Variants in LYZL1 observed in about 807,000 individuals in gnomAD.
LYZL1 encodes the protein lysozyme-like protein 1.
A neutral mutation model predicts 17.9 loss-of-function variants in LYZL1; 16 were observed. That is an observed-to-expected ratio of 0.90 (90% CI 0.61 to 1.36). LYZL1 has a LOEUF of 1.36. Among genes scored for constraint, LYZL1 ranks in the 40% most tolerant of loss-of-function variants. The probability of loss-of-function intolerance (pLI) is 0.00; values close to 1 mark genes in which losing one functional copy is unlikely to be tolerated. For missense variants in LYZL1, 149 were observed against 188.4 expected (o/e 0.79, Z 1.22); for synonymous variants, 58 against 71.8 (o/e 0.81, Z 0.97).
In LYZL1 at chr10:29,292,611, A is replaced by G. The variant is rs1250257546; in HGVS notation, c.232A>G (p.Asn78Asp). The G allele has an allele frequency of 1.9e-6, 3 of 1,614,154 alleles. No homozygotes were observed. The highest frequency in any genetic ancestry group is 2.5e-6 in the Non-Finnish European group (3 of 1,180,054). ...GSIDYGIFQI[N>D]SFAWCRRGKL... Reference sequence around the variant, plus strand: ...CATCGACTATGGCATCTTCCAGATCAACAGCTTCGCGTGGTGCAGACGCGG... The same window carrying G: ...CATCGACTATGGCATCTTCCAGATCGACAGCTTCGCGTGGTGCAGACGCGG... The change falls in exon 3 of 5, where the codon AAC becomes GAC. Residue 78 changes from asparagine (N) to aspartate (D), a missense_variant. Asn to Asp is a conservative substitution (Grantham distance 23). Around this residue, in one of 2 missense-constraint regions of LYZL1, gnomAD observed 130 missense variants for 132.5 expected, o/e 0.98. Transcript: ENST00000649382.
At chr10:29,311,323 C>A, downstream of LYZL1, 1 of 1,127,080 alleles carries the variant, frequency 8.9e-7, no homozygotes, top group Non-Finnish European at 1.1e-6. Flanking sequence ...AACAAAGCTC[C>A]CTTCTTCATT....
Position 29,310,111 on chromosome 10 carries a change from C to T in LYZL1, c.300C>T (p.Ala100=), listed in dbSNP as rs1399907992. The T allele has an allele frequency of 7.5e-6, 12 of 1,609,560 alleles. No individual in the cohort carries two copies. The highest frequency in any genetic ancestry group is 1.0e-5 in the Non-Finnish European group (12 of 1,176,250). The change falls in exon 4 of 5, where the codon GCC becomes GCT. Residue 100 remains alanine (A), a splice_region_variant and synonymous_variant. Coordinates refer to ENST00000649382, the MANE Select transcript of LYZL1 (RefSeq NM_032517.6). ...ENNHCHVACS[A]LITDDLTDAI... is the part of the protein sequence containing the mutation. ...CCTGATGTCTTCTCTCTTTTACAGC[C>T]TTGATCACTGATGACCTCACAGATG... is the stretch of plus-strand genomic sequence containing the variant.
chr10:29,291,074 G>A (rs78842648), intron 1 of LYZL1, among the ~76,000 whole-genome samples: 2,917 of 152,184 alleles, frequency 0.019, 84 homozygotes, highest in African/African-American at 0.063. Flanking sequence ...TAGGGGTCAC[G>A]GGCACCGACG....
intron 3 of LYZL1, chr10:29,317,189 C>G (rs1187660372): frequency 2.6e-5 from 4 of 152,174 alleles, no homozygotes; most frequent in African/African-American, 9.7e-5. Flanking sequence ...TTCACTTCCT[C>G]TCTCCCCTAT....
rs190669635 is a variant in LYZL1, at chr10:29,298,578, C to T, written c.298+5901C>T. 1.5e-3 allele frequency among the ~76,000 whole-genome samples: 226 copies of T among 152,156 alleles called. 1 individual carries two copies. The highest frequency in any genetic ancestry group is 5.0e-3 in the African/African-American group (206 of 41,500). On this transcript the variant is annotated intron_variant, in intron 3 of 4. Coordinates refer to ENST00000649382, the MANE Select transcript of LYZL1 (RefSeq NM_032517.6). ...CATATTCAGCTCACCTCCCATGCAC[C>T]CTCTCTCACAAAACCGTAGGAAAAC...
chr10:29,291,221 G>T (rs1774947), intron 1 of LYZL1, among the ~76,000 whole-genome samples: 4 of 152,018 alleles, frequency 2.6e-5, no homozygotes, highest in Admixed American at 6.5e-5. Context: ...TATGTCTTCT[G>T]TACTGGATTC....
rs73596012 is a variant in LYZL1, at chr10:29,299,829, A to G, written c.298+7152A>G. Among the ~76,000 whole-genome samples the G allele has an allele frequency of 6.1e-3, 923 of 152,308 alleles. 5 individuals carry two copies. Among genetic ancestry groups the G allele is most frequent in the African/African-American group, 0.02 (849 of 41,560 alleles). ...ATCTGGGTCTTTATATTTAAAGTGA[A>G]TTTCTTATAGATAGCATATAGTTAT... On this transcript the variant is annotated intron_variant, in intron 3 of 4. Transcript: ENST00000649382.
downstream of LYZL1, among the ~76,000 whole-genome samples, chr10:29,315,148 C>T (rs1835714566): frequency 1.3e-5 from 2 of 152,226 alleles, no homozygotes; most frequent in African/African-American, 2.4e-5. Flanking sequence ...CTCTGGATGT[C>T]TAAAACTGGA....
chr10:29,289,573 C>A (rs1220001690), intron 1 of LYZL1, among the ~76,000 whole-genome samples: 1 of 151,912 alleles, frequency 6.6e-6, no homozygotes, highest in Non-Finnish European at 1.5e-5. Context: ...CACACACCAC[C>A]ATGCCTGGCT....
At chr10:29,311,266 T>A, downstream of LYZL1, 1 of 1,405,662 alleles carries the variant, frequency 7.1e-7, no homozygotes. Flanking sequence ...AATAGCATGG[T>A]GTTAAGACTT....
At chr10:29,290,370 T>C (rs543988918) in intron 1 of LYZL1, among the ~76,000 whole-genome samples, 66 of 152,302 alleles carry the variant, frequency 4.3e-4, no homozygotes, top group South Asian at 1.2e-3. Context: ...CCATTTCAGA[T>C]GATTCCGCAG....
rs148819030 is a variant in LYZL1 at position 29,298,883 on chromosome 10, C to T, written c.298+6206C>T. On this transcript the variant is annotated intron_variant, in intron 3 of 4. Coordinates refer to ENST00000649382, the MANE Select transcript of LYZL1 (RefSeq NM_032517.6). ...GAGGATGGTTTCAGGATGATTCAAG[C>T]GCATTACACTTATTGTCCACTTTAT... 9.6e-4 allele frequency among the ~76,000 whole-genome samples: 146 copies of T among 152,204 alleles called. No individual in the cohort carries two copies. The East Asian group carries it at 0.02, about 21-fold the overall frequency.
At chr10:29,316,759 TAGGCTAG>T (rs1403520528) in intron 3 of LYZL1, among the ~76,000 whole-genome samples, 1 of 149,452 alleles carries the variant, frequency 6.7e-6, no homozygotes, top group East Asian at 2.0e-4. Context: ...GTCACCAGGC[TAGGCTAG>T]AGTGCAGTGG....
intron 3 of LYZL1, among the ~76,000 whole-genome samples, chr10:29,308,011 AT>A (rs1438580388): frequency 6.6e-6 from 1 of 152,242 alleles, no homozygotes; most frequent in African/African-American, 2.4e-5. Flanking sequence ...TTCTCTAAAA[AT>A]CAAAAACAAA....
At chr10:29,297,319 T>C (rs563504183) in intron 3 of LYZL1, among the ~76,000 whole-genome samples, 1 of 152,166 alleles carries the variant, frequency 6.6e-6, no homozygotes, top group South Asian at 2.1e-4. Context: ...AGAGAAACAA[T>C]AGATAGCACA....
At chr10:29,305,321 CT>C (rs1667419995) in intron 3 of LYZL1, among the ~76,000 whole-genome samples, 1 of 152,118 alleles carries the variant, frequency 6.6e-6, no homozygotes, top group Admixed American at 6.5e-5. Context: ...TAATTATTAA[CT>C]TTATTAACAT....
At chr10:29,312,309 C>CATGTGGCCCAGGATGGCTTTGA (rs1183781821), downstream of LYZL1, among the ~76,000 whole-genome samples, 9 of 152,148 alleles carry the variant, frequency 5.9e-5, no homozygotes, top group African/African-American at 2.2e-4. Context: ...CTATGAGCTG[C>CATGTGGCCCAGGATGGCTTTGA]ATGTGGCCCA....
intron 3 of LYZL1, among the ~76,000 whole-genome samples, chr10:29,306,643 A>T (rs76693809): frequency 0.22 from 32,744 of 151,120 alleles, 3,608 homozygotes; most frequent in Admixed American, 0.29. Context: ...AGTTTTTTGA[A>T]TTTTTCCCAG....
chr10:29,300,868 C>T (rs1835507717), intron 3 of LYZL1, among the ~76,000 whole-genome samples: 2 of 152,202 alleles, frequency 1.3e-5, no homozygotes, highest in Non-Finnish European at 2.9e-5. Flanking sequence ...GTCACCCAGG[C>T]TGGAGTGCAG....
Sources: allele counts gnomAD v4.1 joint callset (sites outside exome capture counted in the v4.1 genomes callset), GRCh38; gene constraint gnomAD v4.1.1; regional missense constraint gnomAD v4.1.1; transcripts MANE v1.5; gene names NCBI Gene and HGNC (gene_info 2026-07-23, HGNC 2026-07-21).